ARHGEF4: variants seen among roughly 807,000 people sequenced by gnomAD.
The protein encoded by ARHGEF4 is APC-stimulated guanine nucleotide exchange factor 1.
ARHGEF4 carries 119 observed loss-of-function variants against 162.0 expected under a neutral mutation model. That is an observed-to-expected ratio of 0.73 (90% CI 0.63 to 0.86). The LOEUF (loss-of-function observed/expected upper bound fraction) is 0.86. ARHGEF4 is among the 40% of genes least tolerant of loss of function. The probability of loss-of-function intolerance (pLI) is 0.00; values close to 1 mark genes in which losing one functional copy is unlikely to be tolerated. For missense variants in ARHGEF4, 2,488 were observed against 2,456.0 expected, an observed-to-expected ratio of 1.01 and a Z score of -0.28; for synonymous variants, 1,014 against 979.9, an observed-to-expected ratio of 1.03 and a Z score of -0.65.
At chr2:130,897,405 C>T (rs1032499742) in intron 1 of ARHGEF4, among the ~76,000 whole-genome samples, 17 of 152,186 alleles carry the variant, frequency 1.1e-4, no homozygotes, top group Admixed American at 7.2e-4. Flanking sequence ...TGAGAGGATT[C>T]GTAGGTGCTT....
intron 3 of ARHGEF4, among the ~76,000 whole-genome samples, chr2:130,943,989 G>T (rs2105142459): frequency 6.6e-6 from 1 of 152,246 alleles, no homozygotes; most frequent in Non-Finnish European, 1.5e-5. Flanking sequence ...TACTGGCTAT[G>T]ACTTCTCTTA....
intron 4 of ARHGEF4, among the ~76,000 whole-genome samples, chr2:131,025,462 C>T (rs941941378): frequency 6.6e-6 from 1 of 152,146 alleles, no homozygotes; most frequent in Non-Finnish European, 1.5e-5. Context: ...TTAACTGTTC[C>T]TGATGTTGGC....
intron 4 of ARHGEF4, among the ~76,000 whole-genome samples, chr2:130,962,022 C>T (rs1366618424): frequency 2.6e-5 from 4 of 152,060 alleles, no homozygotes; most frequent in African/African-American, 9.7e-5. Context: ...GGGCGGATCA[C>T]GAGGTCAGGA....
chr2:130,907,888 C>T (rs1258037226), intron 1 of ARHGEF4, among the ~76,000 whole-genome samples: 5 of 147,286 alleles, frequency 3.4e-5, no homozygotes, highest in South Asian at 2.2e-4. Context: ...ACTGGGAGGG[C>T]GGAGGTTGCA....
At chr2:130,973,711 A>G (rs941477943) in intron 4 of ARHGEF4, among the ~76,000 whole-genome samples, 1 of 152,284 alleles carries the variant, frequency 6.6e-6, no homozygotes, top group South Asian at 2.1e-4. Context: ...AAGGCTCAGC[A>G]TCTCTTCCAA....
intron 10 of ARHGEF4, 128 bp from the exon 11 acceptor site, chr2:131,043,324 A>G (rs1055394451): frequency 5.3e-5 from 68 of 1,277,618 alleles, no homozygotes; most frequent in Non-Finnish European, 7.0e-5. Context: ...CCCTCCCACC[A>G]TGGCCTGGCC....
At chr2:130,902,733 G>A (rs914401504) in intron 1 of ARHGEF4, among the ~76,000 whole-genome samples, 5 of 152,162 alleles carry the variant, frequency 3.3e-5, no homozygotes, top group Admixed American at 2.0e-4. Context: ...TTTTCCCAGC[G>A]TGAGTGCATG....
intron 8 of ARHGEF4, 74 bp downstream of exon 8, chr2:131,040,514 CG>C (rs1301395561): frequency 1.2e-5 from 18 of 1,457,512 alleles, no homozygotes; most frequent in Non-Finnish European, 1.6e-5. Context: ...GCGCGGACAG[CG>C]GGTGGCTGGT....
chr2:130,865,350 T>C (rs1431351776), intron 1 of ARHGEF4, among the ~76,000 whole-genome samples: 1 of 152,250 alleles, frequency 6.6e-6, no homozygotes, highest in Non-Finnish European at 1.5e-5. Context: ...ACAGTCCAGT[T>C]GCTGGAAAGT....
chr2:131,042,280 T>A (rs1690876747), intron 10 of ARHGEF4, among the ~76,000 whole-genome samples: 1 of 152,230 alleles, frequency 6.6e-6, no homozygotes, highest in South Asian at 2.1e-4. Flanking sequence ...AGATCCCTGT[T>A]TTAGTTCACT....
intron 4 of ARHGEF4, among the ~76,000 whole-genome samples, chr2:130,962,775 C>T (rs1684704489): frequency 7.7e-6 from 1 of 129,944 alleles, no homozygotes; most frequent in South Asian, 2.7e-4. Context: ...CCCCCAAGGG[C>T]TTTGGGGGAA....
chr2:130,871,202 TC>T (rs1678456119), intron 1 of ARHGEF4, among the ~76,000 whole-genome samples: 1 of 152,118 alleles, frequency 6.6e-6, no homozygotes, highest in African/African-American at 2.4e-5. Context: ...AACCTCAGCT[TC>T]CTACACCTAG....
chr2:131,017,325 C>G (rs1159899635), intron 4 of ARHGEF4, among the ~76,000 whole-genome samples: 1 of 152,164 alleles, frequency 6.6e-6, no homozygotes, highest in Non-Finnish European at 1.5e-5. Context: ...AGTCCTTCCC[C>G]CACCTTCACC....
intron 12 of ARHGEF4, 60 bp from the exon 13 acceptor site, chr2:131,045,309 A>C: frequency 6.7e-7 from 1 of 1,485,386 alleles, no homozygotes; most frequent in Non-Finnish European, 9.3e-7. Context: ...GCAGGTGTGC[A>C]GGGAACTGCA....
intron 1 of ARHGEF4, among the ~76,000 whole-genome samples, chr2:130,844,787 C>T (rs1472295793): frequency 6.6e-6 from 1 of 151,864 alleles, no homozygotes; most frequent in Non-Finnish European, 1.5e-5. Context: ...CCCCGCCAAC[C>T]TCTATTTTTG....
At position 130,980,369 on chromosome 2, in the gene ARHGEF4, G is replaced by A. The variant is rs546933296; in HGVS notation, c.3985+33734G>A. On this transcript the variant is annotated intron_variant, in intron 4 of 13. Coordinates refer to ENST00000409359, the MANE Select transcript of ARHGEF4 (RefSeq NM_001367493.1). ...CAAGATCATGCCATCCACCCTGTGT[G>A]ACAGAGTATGACCATGTCTCAAAAA... Among the ~76,000 whole-genome samples, 15 of 141,192 alleles carry A rather than the reference G, an allele frequency of 1.1e-4. No homozygotes were observed. In the South Asian group the frequency reaches 3.4e-3, roughly 32 times the overall value. The allele number at this position is 141,192 out of a possible 152,430, so 92.6% of individuals were successfully genotyped here. A position where few individuals can be genotyped will look rare whatever the true frequency, so the allele number is the denominator to read the frequency against.
At chr2:130,864,362 A>G (rs556266066) in intron 1 of ARHGEF4, among the ~76,000 whole-genome samples, 5 of 152,312 alleles carry the variant, frequency 3.3e-5, no homozygotes, top group Non-Finnish European at 5.9e-5. Context: ...TAGAAAGTCA[A>G]TTAGTAGTTG....
chr2:131,000,573 G>A (rs1328530796), intron 4 of ARHGEF4, among the ~76,000 whole-genome samples: 1 of 152,166 alleles, frequency 6.6e-6, no homozygotes. Context: ...TTTAGGAAGG[G>A]AAGGGTTTTT....
chr2:131,021,509 C>G (rs542573680), intron 4 of ARHGEF4, among the ~76,000 whole-genome samples: 1 of 152,270 alleles, frequency 6.6e-6, no homozygotes, highest in African/African-American at 2.4e-5. Context: ...AAATGTTAGA[C>G]TTAAAACCAT....
Sources: allele counts gnomAD v4.1 joint callset (sites outside exome capture counted in the v4.1 genomes callset), GRCh38; gene constraint gnomAD v4.1.1; transcripts MANE v1.5; gene names NCBI Gene and HGNC (gene_info 2026-07-23, HGNC 2026-07-21).